Variants in MYBPC1 observed in about 807,000 individuals in gnomAD.
MYBPC1 encodes myosin-binding protein C, slow-type.
A neutral mutation model predicts 147.1 loss-of-function variants in MYBPC1; 52 were observed. That is an observed-to-expected ratio of 0.35 (90% CI 0.28 to 0.45). The LOEUF (loss-of-function observed/expected upper bound fraction) is 0.45, where lower values mean the gene tolerates loss of function less well. MYBPC1 is among the 20% of genes least tolerant of loss of function. The probability of loss-of-function intolerance (pLI) is 1.00; values close to 1 mark genes in which losing one functional copy is unlikely to be tolerated. For synonymous variants in MYBPC1, 477 were observed against 475.9 expected, an observed-to-expected ratio of 1.00 and a Z score of -0.03; for missense variants, 1,228 against 1,440.3, an observed-to-expected ratio of 0.85 and a Z score of 2.39.
chr12:101,676,563 T>C lies in MYBPC1; in HGVS notation c.2950-672T>C, dbSNP rs1900034833. ...TGAGCCCAGGAGTTTGAGACCAGCC[T>C]GGACAACATAGGGAGACCTCCTCTC... is the stretch of plus-strand genomic sequence containing the variant. On this transcript the variant is annotated intron_variant, in intron 26 of 31. Transcript: ENST00000361466. 2.6e-5 allele frequency among the ~76,000 whole-genome samples: 4 copies of C among 152,082 alleles called. No homozygotes were observed. The South Asian group carries it at 8.3e-4, about 31-fold the overall frequency.
At chr12:101,612,820 T>G (rs1354925807) in intron 1 of MYBPC1, among the ~76,000 whole-genome samples, 3 of 152,252 alleles carry the variant, frequency 2.0e-5, no homozygotes, top group Non-Finnish European at 4.4e-5. Flanking sequence ...TTTCCATTTC[T>G]GCACTCAGAT....
At chr12:101,663,276 A>C (rs1031347996) in intron 21 of MYBPC1, 150 bp from the exon 22 acceptor site, 11 of 747,070 alleles carry the variant, frequency 1.5e-5, no homozygotes, top group Non-Finnish European at 2.4e-5. Flanking sequence ...CCTTACACAC[A>C]TCCATGCTCA....
At chr12:101,596,333 T>C (rs1300786413) in intron 1 of MYBPC1, among the ~76,000 whole-genome samples, 3 of 152,246 alleles carry the variant, frequency 2.0e-5, no homozygotes, top group Non-Finnish European at 1.5e-5. Context: ...TGTATTAATA[T>C]GGGAACTTAA....
At chr12:101,666,928 C>T (rs79079960) in intron 22 of MYBPC1, 23 of 370,024 alleles carry the variant, frequency 6.2e-5, no homozygotes, top group African/African-American at 4.0e-4. Context: ...CACACACACA[C>T]ATACACACAC....
intron 1 of MYBPC1, among the ~76,000 whole-genome samples, chr12:101,607,705 T>G (rs1277508844): frequency 2.0e-5 from 3 of 152,162 alleles, no homozygotes; most frequent in Non-Finnish European, 4.4e-5. Context: ...AAATGGTATA[T>G]AAGGGCCCAT....
intron 25 of MYBPC1, among the ~76,000 whole-genome samples, chr12:101,674,862 C>CAAAAAAAAAAAAAAAAAAAA (rs62824364): frequency 3.3e-5 from 2 of 59,840 alleles, no homozygotes; most frequent in African/African-American, 1.6e-4. Context: ...ACTCTGTCTC[C>CAAAAAAAAAAAAAAAAAAAA]AAAAAAAAAA....
chr12:101,655,963 A>G (rs1172123357), intron 18 of MYBPC1, among the ~76,000 whole-genome samples: 1 of 152,140 alleles, frequency 6.6e-6, no homozygotes, highest in Non-Finnish European at 1.5e-5. Context: ...AATGTATTCA[A>G]TTAGGTATGC....
intron 5 of MYBPC1, among the ~76,000 whole-genome samples, chr12:101,628,583 T>C (rs1468166213): frequency 6.6e-6 from 1 of 152,174 alleles, no homozygotes; most frequent in Non-Finnish European, 1.5e-5. Context: ...GTTGGCAACC[T>C]ATGCATTTTT....
At chr12:101,672,682 T>C (rs1246224136) in intron 24 of MYBPC1, among the ~76,000 whole-genome samples, 6 of 152,072 alleles carry the variant, frequency 3.9e-5, no homozygotes, top group Non-Finnish European at 5.9e-5. Flanking sequence ...ACCCTGTTTC[T>C]ACTAACAACT....
At position 101,659,679 on chromosome 12, in the gene MYBPC1, T is replaced by C. The variant is rs767986789; in HGVS notation, c.1775T>C (p.Met592Thr). Reference sequence around the variant, plus strand: ...TGTTTCTCCACTTCTTAGGCTATTATGGAAGGCAGTGGCCGGATAAGAACA... The same window carrying C: ...TGTTTCTCCACTTCTTAGGCTATTACGGAAGGCAGTGGCCGGATAAGAACA... ...AMWSRGDKAI[M>T]EGSGRIRTES... The change falls in exon 19 of 32, where the codon ATG becomes ACG. Residue 592 changes from methionine (M) to threonine (T), a missense_variant. Physicochemically the swap from Met to Thr is moderately conservative, Grantham distance 81 (BLOSUM62 -1). Around this residue, in one of 2 missense-constraint regions of MYBPC1, gnomAD observed 1,077 missense variants for 1,314.2 expected, o/e 0.82. Transcript: ENST00000361466. The C allele has an allele frequency of 1.2e-6, 2 of 1,614,138 alleles. No individual in the cohort carries two copies. Among genetic ancestry groups the C allele is most frequent in the South Asian group, 1.1e-5 (1 of 91,084 alleles).
At chr12:101,686,857 A>C (rs1352647946), downstream of MYBPC1, among the ~76,000 whole-genome samples, 6 of 152,232 alleles carry the variant, frequency 3.9e-5, no homozygotes, top group Middle Eastern at 3.4e-3. Context: ...ACATTTGAGA[A>C]CAAAAGAAAG....
chr12:101,631,880 C>T, intron 7 of MYBPC1, 141 bp from the exon 8 acceptor site: 2 of 1,318,298 alleles, frequency 1.5e-6, no homozygotes, highest in African/African-American at 1.5e-5. Context: ...CCGGCTGTGT[C>T]CGGGGGCTAC....
At chr12:101,634,655 A>G (rs780693699) in intron 9 of MYBPC1, 50 bp downstream of exon 9, 5 of 1,428,716 alleles carry the variant, frequency 3.5e-6, no homozygotes, top group Non-Finnish European at 4.9e-6. Flanking sequence ...ACAGAAGTGG[A>G]GGATTTTCAA....
At chr12:101,686,621 A>C (rs1186604566), downstream of MYBPC1, among the ~76,000 whole-genome samples, 1 of 152,212 alleles carries the variant, frequency 6.6e-6, no homozygotes, top group Non-Finnish European at 1.5e-5. Context: ...CCACAGCATT[A>C]CTGTTTATTC....
chr12:101,638,144 T>C (rs1000206886), intron 10 of MYBPC1, among the ~76,000 whole-genome samples: 30 of 152,188 alleles, frequency 2.0e-4, no homozygotes, highest in African/African-American at 7.2e-4. Flanking sequence ...TGAATTTGCC[T>C]TGGAAGCTGG....
At chr12:101,637,977 C>T (rs910327963) in intron 10 of MYBPC1, among the ~76,000 whole-genome samples, 3 of 152,172 alleles carry the variant, frequency 2.0e-5, no homozygotes, top group Non-Finnish European at 2.9e-5. Flanking sequence ...GTGAGCCTCA[C>T]GTTTCCTCAT....
chr12:101,662,563 G>A lies in MYBPC1; in HGVS notation c.2221+17G>A. 5 of 1,612,638 alleles carry A rather than the reference G, an allele frequency of 3.1e-6. No individual in the cohort carries two copies. The highest frequency in any genetic ancestry group is 3.4e-6 in the Non-Finnish European group (4 of 1,178,766). ...TTCCTTTGGGTAAGTCAAGAGAGAT[G>A]AGTCTTTGTCATCAGAATCATTGCC... On this transcript the variant is annotated intron_variant, in intron 21 of 31. Transcript: ENST00000361466.
chr12:101,608,646 T>A (rs1476516190), intron 1 of MYBPC1, among the ~76,000 whole-genome samples: 2 of 152,208 alleles, frequency 1.3e-5, no homozygotes, highest in African/African-American at 4.8e-5. Flanking sequence ...TGAGTGTTAT[T>A]TGCTAAGAAA....
At chr12:101,659,141 C>A (rs115638080) in intron 18 of MYBPC1, among the ~76,000 whole-genome samples, 1,630 of 152,282 alleles carry the variant, frequency 0.011, 24 homozygotes, top group African/African-American at 0.037. Flanking sequence ...TATGTTTTTA[C>A]TAGAAAAAGA....
Sources: allele counts gnomAD v4.1 joint callset (sites outside exome capture counted in the v4.1 genomes callset), GRCh38; gene constraint gnomAD v4.1.1; regional missense constraint gnomAD v4.1.1; transcripts MANE v1.5; gene names NCBI Gene and HGNC (gene_info 2026-07-23, HGNC 2026-07-21).